CFAP43: variants seen among roughly 807,000 people sequenced by gnomAD.
CFAP43 encodes the protein cilia- and flagella-associated protein 43.
A neutral mutation model predicts 218.9 loss-of-function variants in CFAP43; 155 were observed. The ratio of observed to expected loss-of-function variants is 0.71; its 90% CI spans 0.62 to 0.81. The LOEUF (loss-of-function observed/expected upper bound fraction) is 0.81. Among genes scored for constraint, CFAP43 ranks in the 30% least tolerant of loss-of-function variants. The pLI is 0.00. For missense variants in CFAP43, 1,778 were observed against 1,954.3 expected, an observed-to-expected ratio of 0.91 and a Z score of 1.70; for synonymous variants, 645 against 681.3, an observed-to-expected ratio of 0.95 and a Z score of 0.83.
chr10:104,157,793 A>T (rs1299148378), intron 27 of CFAP43, among the ~76,000 whole-genome samples: 10 of 150,074 alleles, frequency 6.7e-5, no homozygotes, highest in Admixed American at 3.4e-4. Context: ...AGAGAGAGAG[A>T]GAGAGAGAGA....
At chr10:104,165,671 G>A (rs992408147) in intron 23 of CFAP43, among the ~76,000 whole-genome samples, 1 of 151,396 alleles carries the variant, frequency 6.6e-6, no homozygotes, top group East Asian at 1.9e-4. Context: ...ATGTATAGAC[G>A]TATTCTAAGA....
intron 19 of CFAP43, among the ~76,000 whole-genome samples, chr10:104,173,185 TG>T (rs1201948868): frequency 6.6e-6 from 1 of 152,202 alleles, no homozygotes; most frequent in Non-Finnish European, 1.5e-5. Flanking sequence ...AGTTTCAAAA[TG>T]GTAGACTGAG....
At chr10:104,179,636 A>C (rs2089755274) in intron 18 of CFAP43, among the ~76,000 whole-genome samples, 1 of 152,176 alleles carries the variant, frequency 6.6e-6, no homozygotes, top group Admixed American at 6.5e-5. Flanking sequence ...CAGTTCTTAA[A>C]GCTCATATAA....
intron 26 of CFAP43, 47 bp from the exon 27 acceptor site, chr10:104,161,209 C>T: frequency 6.3e-7 from 1 of 1,576,476 alleles, no homozygotes; most frequent in Non-Finnish European, 8.6e-7. Context: ...ACGTTAAATG[C>T]AGTAGTACAG....
chr10:104,131,272 G>T, intron 37 of CFAP43, 59 bp downstream of exon 37: 2 of 1,554,332 alleles, frequency 1.3e-6, no homozygotes, highest in Admixed American at 2.1e-5. Context: ...TACATTTTAG[G>T]ATTACTGATT....
At position 104,214,330 on chromosome 10, in the gene CFAP43, G is replaced by C; in HGVS notation, c.513C>G (p.Cys171Trp). Residue 171 changes from cysteine to tryptophan, a missense_variant, in exon 4 of 38, where the codon TGC becomes TGG. Cys to Trp is a radical substitution (Grantham distance 215). Around this residue, in one of 3 missense-constraint regions of CFAP43, gnomAD observed 1,553 missense variants for 1,685.2 expected, o/e 0.92. Coordinates refer to ENST00000357060, the MANE Select transcript of CFAP43 (RefSeq NM_025145.7). ...CGCTCACTGTACTTGGACTTGATAA[G>C]CACAGCTGGCGCCAGTTCATGGGGT... is the stretch of plus-strand genomic sequence containing the variant. Reference protein sequence around the residue: ...SFNPMNWRQLCLSSPSTVSVW... With the variant: ...SFNPMNWRQLWLSSPSTVSVW... 1 of 1,611,000 alleles carries C rather than the reference G, an allele frequency of 6.2e-7. No homozygotes were observed. The highest frequency in any genetic ancestry group is 8.5e-7 in the Non-Finnish European group (1 of 1,178,302).
At chr10:104,185,223 C>T in intron 15 of CFAP43, 77 bp from the exon 16 acceptor site, 1 of 1,558,670 alleles carries the variant, frequency 6.4e-7, no homozygotes, top group Non-Finnish European at 8.7e-7. Context: ...GGTTATATGC[C>T]CCTTTTTTGT....
At chr10:104,179,764 G>A in intron 18 of CFAP43, 76 bp downstream of exon 18, 1 of 1,102,054 alleles carries the variant, frequency 9.1e-7, no homozygotes, top group Non-Finnish European at 1.3e-6. Context: ...CTTTCCAGTA[G>A]GTTTCCATAG....
intron 2 of CFAP43, 141 bp from the exon 3 acceptor site, chr10:104,225,698 G>T: frequency 1.4e-6 from 1 of 690,474 alleles, no homozygotes; most frequent in Non-Finnish European, 2.3e-6. Context: ...AAAGATCCTG[G>T]CTAATTTCTA....
At chr10:104,209,119 T>C (rs2090779161) in intron 5 of CFAP43, among the ~76,000 whole-genome samples, 1 of 152,178 alleles carries the variant, frequency 6.6e-6, no homozygotes, top group Non-Finnish European at 1.5e-5. Context: ...GGTACCCAGG[T>C]CACAAGAAAT....
chr10:104,229,498 A>AT (rs1240979097), intron 2 of CFAP43, among the ~76,000 whole-genome samples: 2 of 124,602 alleles, frequency 1.6e-5, no homozygotes, highest in African/African-American at 3.1e-5. Flanking sequence ...TGCCAAAAAC[A>AT]TAAAAAAAAA....
At position 104,232,360 on chromosome 10, in the gene CFAP43, C is replaced by G. The variant is rs1245878741; in HGVS notation, c.-114G>C. On this transcript the variant is annotated 5_prime_UTR_variant, in exon 1 of 38. Coordinates refer to ENST00000357060, the MANE Select transcript of CFAP43 (RefSeq NM_025145.7). ...CCGCGACGCCGCTGCTGTGTACACC[C>G]GTATCCCGGAGACCGTAAGCCCCGC... is the stretch of plus-strand genomic sequence containing the variant. 3 of 1,091,344 alleles carry G rather than the reference C, an allele frequency of 2.7e-6. No homozygotes were observed. The Admixed American group carries it at 9.7e-5, about 35-fold the overall frequency. The allele number at this position is 1,091,344 out of a possible 1,614,324, so 67.6% of individuals were successfully genotyped here.
At chr10:104,131,298 T>G in intron 37 of CFAP43, 33 bp downstream of exon 37, 1 of 1,592,484 alleles carries the variant, frequency 6.3e-7, no homozygotes, top group Non-Finnish European at 8.5e-7. Context: ...TAAAGAAACC[T>G]ACAGTTGGTT....
intron 24 of CFAP43, among the ~76,000 whole-genome samples, chr10:104,163,222 G>C (rs563142661): frequency 8.5e-5 from 13 of 152,254 alleles, no homozygotes; most frequent in African/African-American, 2.9e-4. Flanking sequence ...AACTCTCTGT[G>C]TCTCACTTTC....
rs1589628281 is a variant in CFAP43 at position 104,143,314 on chromosome 10, T to TA, written c.4158+111dup. Reference sequence around the variant, plus strand: ...TTATCTTATTACTATGACCAAATACTACCCTAGCAGGGAAACCTAAATAAT... The same window carrying TA: ...TTATCTTATTACTATGACCAAATACTAACCCTAGCAGGGAAACCTAAATAAT... On this transcript the variant is annotated intron_variant, in intron 32 of 37. Transcript: ENST00000357060. 3.3e-6 allele frequency: 3 copies of TA among 899,484 alleles called. No homozygotes were observed. The East Asian group carries it at 8.0e-5, about 24-fold the overall frequency. The allele number at this position is 899,484 out of a possible 1,614,324, so 55.7% of individuals were successfully genotyped here. A position where few individuals can be genotyped will look rare whatever the true frequency, so the allele number is the denominator to read the frequency against.
At position 104,192,426 on chromosome 10, in the gene CFAP43, A is replaced by G. The variant is rs1006916120; in HGVS notation, c.1443-124T>C. 4.2e-6 allele frequency: 3 copies of G among 718,492 alleles called. No homozygotes were observed. In the Admixed American group the frequency reaches 7.4e-5, roughly 18 times the overall value. The allele number at this position is 718,492 out of a possible 1,614,324, so 44.5% of individuals were successfully genotyped here. On this transcript the variant is annotated intron_variant, in intron 11 of 37. Transcript: ENST00000357060. ...TCATTTTTACGGTTTGCAATTTTTA[A>G]TATTCTCTGACCTTATTAAAGTGGA... is the stretch of plus-strand genomic sequence containing the variant.
At chr10:104,229,874 G>A (rs898490197) in intron 2 of CFAP43, among the ~76,000 whole-genome samples, 3 of 151,924 alleles carry the variant, frequency 2.0e-5, no homozygotes, top group African/African-American at 7.3e-5. Context: ...AATTCACCTG[G>A]ATTTTCAACA....
chr10:104,193,910 G>A lies in CFAP43; in HGVS notation c.1398C>T (p.Val466=), dbSNP rs763217980. The A allele has an allele frequency of 1.7e-5, 28 of 1,614,012 alleles. No individual in the cohort carries two copies. Among genetic ancestry groups the A allele is most frequent in the Admixed American group, 1.5e-4 (9 of 60,000 alleles). The change falls in exon 11 of 38, where the codon GTC becomes GTT. Residue 466 remains valine (V), a synonymous_variant. Transcript: ENST00000357060. ...ATTCCGAGAGAAAGGCCTTGTGCACGACCTGAGGGGATTCCTTATCATATA... is the reference window on the plus strand; with the variant it reads ...ATTCCGAGAGAAAGGCCTTGTGCACAACCTGAGGGGATTCCTTATCATATA... The part of the protein sequence containing the change: ...ISVYDKESPQ[V]VHKAFLSESS...
intron 34 of CFAP43, among the ~76,000 whole-genome samples, chr10:104,134,678 C>A (rs1039292730): frequency 1.3e-5 from 2 of 151,740 alleles, no homozygotes; most frequent in African/African-American, 4.8e-5. Flanking sequence ...AAAACCAATT[C>A]AAAAAGTAAT....
Sources: allele counts gnomAD v4.1 joint callset (sites outside exome capture counted in the v4.1 genomes callset), GRCh38; gene constraint gnomAD v4.1.1; regional missense constraint gnomAD v4.1.1; transcripts MANE v1.5; gene names NCBI Gene and HGNC (gene_info 2026-07-23, HGNC 2026-07-21).